Variants in SDK1 observed in about 807,000 individuals in gnomAD.
SDK1 encodes sidekick cell adhesion molecule 1.
Under a neutral mutation model 245.5 loss-of-function variants are expected in SDK1, and 157 were observed. That is an observed-to-expected ratio of 0.64 (90% CI 0.56 to 0.73). SDK1 has a LOEUF of 0.73. Ranked by LOEUF, SDK1 falls within the 30% of genes least tolerant of loss-of-function variation. SDK1 has a pLI of 0.00. For missense variants in SDK1, 3,583 were observed against 3,002.3 expected (o/e 1.19, Z -4.52); for synonymous variants, 1,647 against 1,278.5 (o/e 1.29, Z -6.15).
At chr7:4,100,033 C>T (rs961175954) in intron 22 of SDK1, among the ~76,000 whole-genome samples, 15 of 152,180 alleles carry the variant, frequency 9.9e-5, no homozygotes, top group African/African-American at 4.8e-5. Flanking sequence ...AGGCCTCATG[C>T]CCCAGAGATT....
intron 1 of SDK1, among the ~76,000 whole-genome samples, chr7:3,442,422 A>T (rs1174212135): frequency 6.6e-6 from 1 of 152,190 alleles, no homozygotes; most frequent in Non-Finnish European, 1.5e-5. Context: ...GGTCATTGCA[A>T]ATTAACCCTT....
chr7:4,239,974 T>A (rs1786418720), intron 42 of SDK1, among the ~76,000 whole-genome samples: 1 of 152,248 alleles, frequency 6.6e-6, no homozygotes, highest in South Asian at 2.1e-4. Context: ...ACCAGTCACC[T>A]AAAATGCCTC....
intron 4 of SDK1, among the ~76,000 whole-genome samples, chr7:3,775,345 C>G (rs943869474): frequency 6.6e-6 from 1 of 152,100 alleles, no homozygotes; most frequent in Non-Finnish European, 1.5e-5. Flanking sequence ...ATGGTTCAAC[C>G]TAATACTTTA....
intron 17 of SDK1, among the ~76,000 whole-genome samples, chr7:4,023,320 G>A (rs1026923989): frequency 6.6e-6 from 1 of 151,982 alleles, no homozygotes; most frequent in Admixed American, 6.6e-5. Flanking sequence ...TCAGCTCAAG[G>A]CATTTTAAAA....
At chr7:3,508,188 A>T (rs1562529297) in intron 1 of SDK1, among the ~76,000 whole-genome samples, 2 of 150,254 alleles carry the variant, frequency 1.3e-5, no homozygotes, top group African/African-American at 4.9e-5. Flanking sequence ...TTTTCTGAAT[A>T]TTTTTTTTTC....
chr7:4,012,469 C>T (rs1786056888), intron 16 of SDK1, among the ~76,000 whole-genome samples: 1 of 139,290 alleles, frequency 7.2e-6, no homozygotes, highest in Non-Finnish European at 1.5e-5. Flanking sequence ...ACACACAAAA[C>T]TGGTGTCAGG....
chr7:3,447,256 A>AT (rs1189447490), intron 1 of SDK1, among the ~76,000 whole-genome samples: 2 of 152,230 alleles, frequency 1.3e-5, no homozygotes, highest in African/African-American at 4.8e-5. Context: ...AAATAACTTA[A>AT]TAGTAACAAT....
At chr7:3,319,398 G>A (rs886594724) in intron 1 of SDK1, among the ~76,000 whole-genome samples, 1 of 152,134 alleles carries the variant, frequency 6.6e-6, no homozygotes, top group Admixed American at 6.5e-5. Context: ...TGGGGGCTTA[G>A]ACCGGTGGCC....
At chr7:4,052,690 C>T (rs946867757) in intron 19 of SDK1, among the ~76,000 whole-genome samples, 1 of 152,104 alleles carries the variant, frequency 6.6e-6, no homozygotes, top group Non-Finnish European at 1.5e-5. Flanking sequence ...GACTTGTTAT[C>T]CCTATGTGGT....
At chr7:3,920,603 C>G (rs1779551868) in intron 5 of SDK1, among the ~76,000 whole-genome samples, 1 of 152,086 alleles carries the variant, frequency 6.6e-6, no homozygotes, top group Non-Finnish European at 1.5e-5. Flanking sequence ...GGATTCGTTG[C>G]ATTCTAGCTG....
chr7:4,066,646 A>T (rs1027356051), intron 19 of SDK1, among the ~76,000 whole-genome samples: 2 of 152,056 alleles, frequency 1.3e-5, no homozygotes, highest in African/African-American at 4.8e-5. Context: ...CCTCCCCATC[A>T]CCACACAGTG....
chr7:3,616,709 A>C (rs1172650196), intron 1 of SDK1, among the ~76,000 whole-genome samples: 3 of 152,222 alleles, frequency 2.0e-5, no homozygotes, highest in Non-Finnish European at 4.4e-5. Flanking sequence ...GAATATAGTG[A>C]TCAACAAAAT....
At chr7:3,774,058 C>CAA (rs374822641) in intron 4 of SDK1, among the ~76,000 whole-genome samples, 25 of 151,708 alleles carry the variant, frequency 1.6e-4, no homozygotes, top group African/African-American at 6.0e-4. Context: ...ACTAAAAATA[C>CAA]AAAAAAATTA....
chr7:3,952,974 G>C (rs1029917704), intron 7 of SDK1, among the ~76,000 whole-genome samples: 1 of 152,116 alleles, frequency 6.6e-6, no homozygotes, highest in Non-Finnish European at 1.5e-5. Flanking sequence ...ATGACTATGA[G>C]AGCAGCCTGT....
chr7:3,462,856 C>T (rs1046360364), intron 1 of SDK1, among the ~76,000 whole-genome samples: 4 of 152,146 alleles, frequency 2.6e-5, no homozygotes, highest in African/African-American at 9.7e-5. Context: ...CTCATGACAT[C>T]GTGCTTTTGG....
chr7:3,640,236 A>AT (rs959838124), intron 3 of SDK1, among the ~76,000 whole-genome samples: 1 of 152,246 alleles, frequency 6.6e-6, no homozygotes, highest in Non-Finnish European at 1.5e-5. Flanking sequence ...GTTAAATTAC[A>AT]TTTTAATATA....
Position 3,631,354 on chromosome 7 carries a change from C to A in SDK1, c.459-7650C>A, listed in dbSNP as rs565703430. On this transcript the variant is annotated intron_variant, in intron 2 of 44. Coordinates refer to ENST00000404826, the MANE Select transcript of SDK1 (RefSeq NM_152744.4). ...TCAGTTGGTTTCCTCATCACCCAAC[C>A]TAATTGTGTGTAACTCCCATCTACA... 2.5e-4 allele frequency among the ~76,000 whole-genome samples: 38 copies of A among 152,232 alleles called. 1 individual carries two copies. In the South Asian group the frequency reaches 7.9e-3, roughly 32 times the overall value.
At chr7:3,796,391 G>A (rs542412651) in intron 4 of SDK1, among the ~76,000 whole-genome samples, 1 of 152,334 alleles carries the variant, frequency 6.6e-6, no homozygotes, top group South Asian at 2.1e-4. Flanking sequence ...GTGGATCTCA[G>A]AATGATACTC....
intron 1 of SDK1, among the ~76,000 whole-genome samples, chr7:3,351,690 G>T (rs531755121): frequency 3.3e-5 from 5 of 152,232 alleles, no homozygotes; most frequent in African/African-American, 1.2e-4. Context: ...AGATGAAGAG[G>T]ATCACTGCAC....
Sources: gnomAD v4.1 joint callset for allele counts (sites outside exome capture counted in the v4.1 genomes callset) on GRCh38, gnomAD v4.1.1 for gene constraint, MANE v1.5 for transcripts, NCBI Gene and HGNC (gene_info 2026-07-23, HGNC 2026-07-21) for gene names.